Variants in SIM1 observed in about 807,000 individuals in gnomAD.
SIM1 encodes the protein SIM bHLH transcription factor 1, also known as single-minded homolog 1.
In SIM1, 18 loss-of-function variants were observed where a neutral mutation model predicts 78.2. That is an observed-to-expected ratio of 0.23 (90% CI 0.16 to 0.34). The LOEUF (loss-of-function observed/expected upper bound fraction) is 0.34. SIM1 is among the 10% of genes least tolerant of loss of function. The probability of loss-of-function intolerance (pLI) is 1.00; values close to 1 mark genes in which losing one functional copy is unlikely to be tolerated. For synonymous variants in SIM1, 417 were observed against 385.2 expected, an observed-to-expected ratio of 1.08 and a Z score of -0.97; for missense variants, 939 against 975.1, an observed-to-expected ratio of 0.96 and a Z score of 0.49.
At chr6:100,413,675 A>G (rs1771321499) in intron 10 of SIM1, among the ~76,000 whole-genome samples, 1 of 152,208 alleles carries the variant, frequency 6.6e-6, no homozygotes, top group African/African-American at 2.4e-5. Flanking sequence ...ATAAAATATT[A>G]TACCTAAGAT....
intron 9 of SIM1, among the ~76,000 whole-genome samples, chr6:100,433,297 C>A (rs1771950121): frequency 6.6e-6 from 1 of 152,134 alleles, no homozygotes; most frequent in Non-Finnish European, 1.5e-5. Flanking sequence ...TCCATTCTTC[C>A]CCCTCCCTTA....
intron 2 of SIM1, among the ~76,000 whole-genome samples, chr6:100,456,041 C>G (rs1007900664): frequency 5.3e-5 from 8 of 152,258 alleles, no homozygotes; most frequent in Admixed American, 4.6e-4. Flanking sequence ...CTCGCCCTCT[C>G]CTGCCCCACC....
At chr6:100,410,949 A>G (rs1439277018) in intron 10 of SIM1, among the ~76,000 whole-genome samples, 2 of 152,230 alleles carry the variant, frequency 1.3e-5, no homozygotes, top group East Asian at 3.8e-4. Flanking sequence ...TATGTCCAGA[A>G]TATCAAAAAC....
At chr6:100,408,091 T>G (rs924898738) in intron 10 of SIM1, among the ~76,000 whole-genome samples, 61 of 152,246 alleles carry the variant, frequency 4.0e-4, no homozygotes, top group Non-Finnish European at 1.6e-4. Context: ...CTATGTTTTT[T>G]TCTAGAAACT....
chr6:100,418,167 C>A (rs1771454519), intron 10 of SIM1, among the ~76,000 whole-genome samples: 1 of 151,864 alleles, frequency 6.6e-6, no homozygotes. Context: ...AAGTGAGACT[C>A]CCATGTCTAC....
rs143803280 is a variant in SIM1, at chr6:100,390,370, G to A, written c.2292C>T (p.Asn764=). 4.0e-4 allele frequency: 637 copies of A among 1,611,192 alleles called. No individual in the cohort carries two copies. In the African/African-American group the frequency reaches 4.3e-3, roughly 11 times the overall value. Residue 764 remains asparagine (N), a synonymous_variant, in exon 12 of 12, where the codon AAC becomes AAT. Coordinates refer to ENST00000369208, the MANE Select transcript of SIM1 (RefSeq NM_005068.3). ...ATATTTCAGCAAAACATCAGCTTCC[G>A]TTGGTTATTATAACAGATGTTCCCT... is the stretch of plus-strand genomic sequence containing the variant. ...GHKGTSVIIT[N]GS is the part of the protein sequence containing the mutation.
Position 100,387,620 on chromosome 6 carries a change from A to C in SIM1, c.*2741T>G, listed in dbSNP as rs1458591704. 1 of 152,118 alleles carries C rather than the reference A, an allele frequency of 6.6e-6. No individual in the cohort carries two copies. Among genetic ancestry groups the C allele is most frequent in the Non-Finnish European group, 1.5e-5 (1 of 67,956 alleles). 9.4% of individuals were successfully genotyped at this position (152,118 alleles called of 1,614,324 possible). A position where few individuals can be genotyped will look rare whatever the true frequency, so the allele number is the denominator to read the frequency against. ...TACTATAAAATTATTGACATTCAGT[A>C]AATTTTAAAATGGTTATGTACTTAA... is the stretch of plus-strand genomic sequence containing the variant. On this transcript the variant is annotated 3_prime_UTR_variant, in exon 12 of 12. Transcript: ENST00000369208.
At chr6:100,439,275 C>T (rs941958416) in intron 9 of SIM1, among the ~76,000 whole-genome samples, 8 of 152,128 alleles carry the variant, frequency 5.3e-5, no homozygotes, top group Admixed American at 6.6e-5. Flanking sequence ...GGGAAAAGAA[C>T]AACATGACAA....
chr6:100,443,729 G>A (rs1167785244), intron 9 of SIM1, among the ~76,000 whole-genome samples: 1 of 152,018 alleles, frequency 6.6e-6, no homozygotes, highest in Non-Finnish European at 1.5e-5. Flanking sequence ...TGGCTACGCA[G>A]GAAAATGCTA....
intron 9 of SIM1, among the ~76,000 whole-genome samples, chr6:100,424,148 T>C (rs908749169): frequency 2.2e-5 from 3 of 139,134 alleles, no homozygotes; most frequent in South Asian, 4.5e-4. Flanking sequence ...ATAACAGAAA[T>C]ACTTCAAATT....
At chr6:100,419,119 T>C (rs1227362448) in intron 10 of SIM1, among the ~76,000 whole-genome samples, 1 of 152,058 alleles carries the variant, frequency 6.6e-6, no homozygotes, top group East Asian at 1.9e-4. Flanking sequence ...TGAGCCGAGA[T>C]TGCACCACTG....
In SIM1 at chr6:100,386,521, A is replaced by G. The variant is rs111941298; in HGVS notation, c.*3840T>C. 520 of 152,154 alleles carry G rather than the reference A, an allele frequency of 3.4e-3. 2 individuals carry two copies. The highest frequency in any genetic ancestry group is 0.012 in the African/African-American group (501 of 41,552). The allele number at this position is 152,154 out of a possible 1,614,324, so 9.4% of individuals were successfully genotyped here. A position where few individuals can be genotyped will look rare whatever the true frequency, so the allele number is the denominator to read the frequency against. On this transcript the variant is annotated 3_prime_UTR_variant, in exon 12 of 12. Coordinates refer to ENST00000369208, the MANE Select transcript of SIM1 (RefSeq NM_005068.3). ...CGGAAATCTTGTATTTCATTTTAAA[A>G]TATATATGCATATTTTCCAAATGGT... is the stretch of plus-strand genomic sequence containing the variant.
intron 9 of SIM1, 101 bp downstream of exon 9, chr6:100,447,167 C>G (rs780370128): frequency 8.0e-6 from 11 of 1,375,178 alleles, no homozygotes; most frequent in Admixed American, 2.2e-5. Context: ...TGGCATTCCC[C>G]GTGGCCCGAG....
intron 9 of SIM1, among the ~76,000 whole-genome samples, chr6:100,444,257 G>A (rs977709400): frequency 2.6e-5 from 4 of 151,966 alleles, no homozygotes; most frequent in African/African-American, 7.2e-5. Context: ...GACTTTCCCC[G>A]ACATCCTTGT....
At position 100,393,760 on chromosome 6, in the gene SIM1, A is replaced by G. The variant is rs2114463359; in HGVS notation, c.1297T>C (p.Ser433Pro). The change falls in exon 11 of 12, where the codon TCG becomes CCG. Residue 433 changes from serine (S) to proline (P), a missense_variant. This residue lies in a region of SIM1 where 556 missense variants were observed against 521.9 expected (regional missense o/e 1.07). Coordinates refer to ENST00000369208, the MANE Select transcript of SIM1 (RefSeq NM_005068.3). Reference protein sequence around the residue: ...ADRPGSQHDASCAYRQFSDRS... With the variant: ...ADRPGSQHDAPCAYRQFSDRS... ...TCCGAAAACTGTCTGTAGGCGCACG[A>G]TGCGTCGTGCTGGGAGCCAGGCCTA... The G allele has an allele frequency of 1.9e-6, 3 of 1,614,212 alleles. No homozygotes were observed. The highest frequency in any genetic ancestry group is 2.7e-5 in the African/African-American group (2 of 75,062).
chr6:100,408,610 T>C (rs1354492028), intron 10 of SIM1, among the ~76,000 whole-genome samples: 1 of 152,110 alleles, frequency 6.6e-6, no homozygotes, highest in Non-Finnish European at 1.5e-5. Flanking sequence ...TGTTGAGAGT[T>C]TTTATCATGA....
intron 9 of SIM1, among the ~76,000 whole-genome samples, chr6:100,435,211 A>G (rs1438604375): frequency 6.6e-6 from 1 of 152,222 alleles, no homozygotes; most frequent in Non-Finnish European, 1.5e-5. Context: ...TAAACTGTCC[A>G]TAGACCATGC....
At chr6:100,416,028 G>A (rs1400192440) in intron 10 of SIM1, among the ~76,000 whole-genome samples, 1 of 151,930 alleles carries the variant, frequency 6.6e-6, no homozygotes, top group East Asian at 1.9e-4. Flanking sequence ...ATGTATGGGA[G>A]CAGACATACA....
Position 100,387,084 on chromosome 6 carries a change from C to A in SIM1, c.*3277G>T, listed in dbSNP as rs949309632. ...AAGTAGGTATGGCAGGTGAAATGGG[C>A]AATAAAGATACTTATTATCACTAGA... is the stretch of plus-strand genomic sequence containing the variant. On this transcript the variant is annotated 3_prime_UTR_variant, in exon 12 of 12. Transcript: ENST00000369208. The A allele has an allele frequency of 6.6e-6, 1 of 151,882 alleles. No homozygotes were observed. The highest frequency in any genetic ancestry group is 1.5e-5 in the Non-Finnish European group (1 of 67,896). 9.4% of individuals were successfully genotyped at this position (151,882 alleles called of 1,614,324 possible).
Sources: allele counts gnomAD v4.1 joint callset (sites outside exome capture counted in the v4.1 genomes callset), GRCh38; gene constraint gnomAD v4.1.1; regional missense constraint gnomAD v4.1.1; transcripts MANE v1.5; gene names NCBI Gene and HGNC (gene_info 2026-07-23, HGNC 2026-07-21).